The following ZFYVE9 variants were observed in gnomAD, a reference collection of about 807,000 sequenced individuals.
ZFYVE9 encodes zinc finger FYVE domain-containing protein 9.
In ZFYVE9, 43 loss-of-function variants were observed where a neutral mutation model predicts 126.7. The ratio of observed to expected loss-of-function variants is 0.34; its 90% confidence interval spans 0.27 to 0.44. ZFYVE9 has a LOEUF of 0.44. Among genes scored for constraint, ZFYVE9 ranks in the 20% least tolerant of loss-of-function variants. The pLI, the probability that ZFYVE9 is intolerant of heterozygous loss-of-function variation, is 1.00. For missense variants in ZFYVE9, 1,476 were observed against 1,697.0 expected (o/e 0.87, Z 2.29); for synonymous variants, 521 against 597.4 (o/e 0.87, Z 1.87).
At chr1:52,327,722 C>G (rs1229247820) in intron 13 of ZFYVE9, among the ~76,000 whole-genome samples, 1 of 152,100 alleles carries the variant, frequency 6.6e-6, no homozygotes, top group East Asian at 1.9e-4. Context: ...GCATGTGATC[C>G]CATCACTTTG....
intron 12 of ZFYVE9, among the ~76,000 whole-genome samples, chr1:52,300,553 T>C (rs918066599): frequency 6.6e-5 from 10 of 151,326 alleles, no homozygotes. Flanking sequence ...ATCGTGCCAC[T>C]GCATTCCAGC....
intron 11 of ZFYVE9, among the ~76,000 whole-genome samples, chr1:52,294,495 C>T (rs1645955126): frequency 6.6e-6 from 1 of 152,166 alleles, no homozygotes; most frequent in African/African-American, 2.4e-5. Flanking sequence ...TTAATAAAGG[C>T]CTCCCATATA....
chr1:52,206,663 C>A (rs1644980875), intron 1 of ZFYVE9, among the ~76,000 whole-genome samples: 1 of 152,068 alleles, frequency 6.6e-6, no homozygotes, highest in African/African-American at 2.4e-5. Flanking sequence ...CATTTTCATG[C>A]CTCAGCCTCC....
rs1277698950 is a variant in ZFYVE9 at position 52,331,644 on chromosome 1, C to T, written c.3439-1124C>T. Among the ~76,000 whole-genome samples, 2 of 150,078 alleles carry T rather than the reference C, an allele frequency of 1.3e-5. 1 individual carries two copies. Among genetic ancestry groups the T allele is most frequent in the Middle Eastern group, 6.9e-3 (2 of 290 alleles). On this transcript the variant is annotated intron_variant, in intron 13 of 18. Coordinates refer to ENST00000287727, the MANE Select transcript of ZFYVE9 (RefSeq NM_004799.4). ...GCAGGCACTTGTAGTCCCAGCTACT[C>T]GGGAGGCTGAGGCAGGAGAATGGCG...
At chr1:52,199,067 G>A (rs1644897671) in intron 1 of ZFYVE9, among the ~76,000 whole-genome samples, 1 of 151,606 alleles carries the variant, frequency 6.6e-6, no homozygotes, top group Non-Finnish European at 1.5e-5. Flanking sequence ...TGACAATCAC[G>A]GATCTTTTTT....
chr1:52,322,383 T>C (rs912916224), intron 13 of ZFYVE9, among the ~76,000 whole-genome samples: 5 of 135,332 alleles, frequency 3.7e-5, no homozygotes, highest in African/African-American at 1.1e-4. Flanking sequence ...TTTTCTTTTT[T>C]TTTTTTTTTT....
chr1:52,327,109 CGA>C (rs1646298768), intron 13 of ZFYVE9, among the ~76,000 whole-genome samples: 1 of 151,752 alleles, frequency 6.6e-6, no homozygotes, highest in Admixed American at 6.6e-5. Flanking sequence ...TGCAGTGAGC[CGA>C]GATTGCACCA....
At position 52,266,764 on chromosome 1, in the gene ZFYVE9, A is replaced by C. The variant is rs1220407575; in HGVS notation, c.2388A>C (p.Gly796=). 5.6e-6 allele frequency: 9 copies of C among 1,611,864 alleles called. No homozygotes were observed. The highest frequency in any genetic ancestry group is 7.6e-6 in the Non-Finnish European group (9 of 1,179,138). The stretch of plus-strand genomic sequence containing the variant: ...CCTTGCAGCAAGCTCAGGCCTCAGG[A>C]GCTCTGAGCTCTCCACCTCCCACTG... The part of the protein sequence containing the change: ...IPPLQQAQAS[G]ALSSPPPTVM... Residue 796 remains glycine, a synonymous_variant, in exon 6 of 19, where the codon GGA becomes GGC. Coordinates refer to ENST00000287727, the MANE Select transcript of ZFYVE9 (RefSeq NM_004799.4).
chr1:52,254,786 G>C (rs1028927365), intron 4 of ZFYVE9, among the ~76,000 whole-genome samples: 2 of 151,978 alleles, frequency 1.3e-5, no homozygotes, highest in Admixed American at 1.3e-4. Flanking sequence ...AGGTAACGCA[G>C]TGAGACCTCA....
intron 13 of ZFYVE9, among the ~76,000 whole-genome samples, chr1:52,322,232 T>C (rs961339574): frequency 2.0e-5 from 3 of 152,164 alleles, no homozygotes; most frequent in African/African-American, 7.2e-5. Flanking sequence ...GCCTCTACTT[T>C]CTAAATATAT....
chr1:52,149,522 A>T (rs1352295531), intron 1 of ZFYVE9, among the ~76,000 whole-genome samples: 1 of 152,234 alleles, frequency 6.6e-6, no homozygotes, highest in Non-Finnish European at 1.5e-5. Context: ...CAGGCATGAC[A>T]GATTTTAAGA....
At chr1:52,201,587 C>T (rs1452949995) in intron 1 of ZFYVE9, among the ~76,000 whole-genome samples, 3 of 151,738 alleles carry the variant, frequency 2.0e-5, no homozygotes, top group Non-Finnish European at 2.9e-5. Context: ...CTCTGTTGGC[C>T]AGGCTGGTCT....
intron 4 of ZFYVE9, chr1:52,252,697 A>G (rs1382819562): frequency 4.8e-6 from 2 of 412,682 alleles, no homozygotes; most frequent in East Asian, 1.5e-4. Context: ...TGCCTTATAT[A>G]AGGGTTGCAA....
intron 1 of ZFYVE9, chr1:52,150,129 AGTCTC>A (rs1424799852): frequency 6.6e-6 from 1 of 152,274 alleles, no homozygotes; most frequent in Non-Finnish European, 1.5e-5. Context: ...ATGTGCGTCT[AGTCTC>A]AGTTACTTGG....
chr1:52,207,073 C>T (rs1276178581), intron 1 of ZFYVE9, among the ~76,000 whole-genome samples: 1 of 152,176 alleles, frequency 6.6e-6, no homozygotes, highest in Non-Finnish European at 1.5e-5. Context: ...CCCAGACACA[C>T]CCAGAAATAA....
At chr1:52,230,736 G>T (rs1057498914) in intron 2 of ZFYVE9, among the ~76,000 whole-genome samples, 3 of 152,052 alleles carry the variant, frequency 2.0e-5, no homozygotes, top group Non-Finnish European at 4.4e-5. Context: ...AGTGATATTT[G>T]AGCAAAGAGA....
At chr1:52,345,023 C>A in intron 18 of ZFYVE9, 79 bp downstream of exon 18, 1 of 1,499,872 alleles carries the variant, frequency 6.7e-7, no homozygotes, top group Non-Finnish European at 9.2e-7. Context: ...TCTGCATCAC[C>A]CCAGAGAGCT....
chr1:52,288,435 G>T (rs1348109382), intron 10 of ZFYVE9, among the ~76,000 whole-genome samples: 1 of 152,118 alleles, frequency 6.6e-6, no homozygotes, highest in Non-Finnish European at 1.5e-5. Context: ...AAGGGGCTGG[G>T]ATTACAGGCA....
rs192100517 is a variant in ZFYVE9 at position 52,147,667 on chromosome 1, G to C, written c.-143+5264G>C. Among the ~76,000 whole-genome samples the C allele has an allele frequency of 1.2e-4, 18 of 152,250 alleles. No homozygotes were observed. In the East Asian group the frequency reaches 3.1e-3, roughly 26 times the overall value. On this transcript the variant is annotated intron_variant, in intron 1 of 18. Coordinates refer to ENST00000287727, the MANE Select transcript of ZFYVE9 (RefSeq NM_004799.4). ...TTTGGCTACTATAAATAATGTTGTTGTGAACATTCATGTGCAAATTATTGT... is the reference window on the plus strand; with the variant it reads ...TTTGGCTACTATAAATAATGTTGTTCTGAACATTCATGTGCAAATTATTGT...
Sources: gnomAD v4.1 joint callset for allele counts (sites outside exome capture counted in the v4.1 genomes callset) on GRCh38, gnomAD v4.1.1 for gene constraint, MANE v1.5 for transcripts, NCBI Gene and HGNC (gene_info 2026-07-23, HGNC 2026-07-21) for gene names.